Variants in EFCAB6 observed in about 807,000 individuals in gnomAD.
The protein encoded by EFCAB6 is EF-hand calcium binding domain 6.
A neutral mutation model predicts 169.8 loss-of-function variants in EFCAB6; 156 were observed. That is an observed-to-expected ratio of 0.92 (90% CI 0.81 to 1.05). EFCAB6 has a LOEUF of 1.05. Ranked by LOEUF, EFCAB6 falls within the 50% of genes least tolerant of loss-of-function variation. The pLI is 0.00. For synonymous variants in EFCAB6, 698 were observed against 676.4 expected (o/e 1.03, Z -0.50); for missense variants, 1,800 against 1,829.1 (o/e 0.98, Z 0.29).
intron 25 of EFCAB6, among the ~76,000 whole-genome samples, chr22:43,580,025 A>G (rs1436238109): frequency 2.0e-5 from 3 of 152,138 alleles, no homozygotes; most frequent in East Asian, 3.9e-4. Context: ...TAGAATGTCA[A>G]CCTACTCAGG....
At chr22:43,739,858 C>T (rs907738730) in intron 6 of EFCAB6, among the ~76,000 whole-genome samples, 2 of 152,000 alleles carry the variant, frequency 1.3e-5, no homozygotes, top group Admixed American at 1.3e-4. Flanking sequence ...CTTGACTCCA[C>T]GAAGCAGCCA....
intron 27 of EFCAB6, among the ~76,000 whole-genome samples, chr22:43,550,671 C>CA (rs955666013): frequency 0.043 from 3,170 of 73,690 alleles, 101 homozygotes; most frequent in Middle Eastern, 0.14. Flanking sequence ...GACTCTGTCT[C>CA]AAAAAAAAAA....
At chr22:43,636,276 C>G (rs1021129150) in intron 17 of EFCAB6, among the ~76,000 whole-genome samples, 9 of 152,150 alleles carry the variant, frequency 5.9e-5, no homozygotes, top group Non-Finnish European at 1.2e-4. Context: ...AGAGTAAGTT[C>G]CAGGTGGTGG....
intron 26 of EFCAB6, among the ~76,000 whole-genome samples, chr22:43,565,132 T>C (rs1043025628): frequency 1.3e-5 from 2 of 152,210 alleles, no homozygotes; most frequent in African/African-American, 4.8e-5. Context: ...TACAATGTGA[T>C]GGAAGGATGA....
intron 4 of EFCAB6, among the ~76,000 whole-genome samples, chr22:43,771,336 A>G (rs1029032693): frequency 2.9e-4 from 44 of 152,180 alleles, no homozygotes; most frequent in African/African-American, 1.1e-3. Context: ...AGGCTGAGGC[A>G]CAAGAATCAC....
chr22:43,784,304 G>A (rs915723240), intron 2 of EFCAB6, among the ~76,000 whole-genome samples: 2 of 151,760 alleles, frequency 1.3e-5, no homozygotes, highest in Admixed American at 6.6e-5. Flanking sequence ...AACAAAAATT[G>A]AGAGAATGTG....
Position 43,557,119 on chromosome 22 carries a change from A to G in EFCAB6, c.3421-2023T>C, listed in dbSNP as rs375738442. Among the ~76,000 whole-genome samples, 257 of 152,292 alleles carry G rather than the reference A, an allele frequency of 1.7e-3. 1 individual carries two copies. The Middle Eastern group carries it at 0.02, about 12-fold the overall frequency. On this transcript the variant is annotated intron_variant, in intron 26 of 31. Transcript: ENST00000262726. ...ACAGGTGGATGGAGCCCAGCATGGG[A>G]AGATGGGAGTCCTGGGTCTGAGTCT...
At chr22:43,705,061 A>G (rs187626435) in intron 10 of EFCAB6, among the ~76,000 whole-genome samples, 1 of 152,318 alleles carries the variant, frequency 6.6e-6, no homozygotes, top group East Asian at 1.9e-4. Context: ...AATGGAAACC[A>G]AATGAGAAAG....
intron 26 of EFCAB6, among the ~76,000 whole-genome samples, chr22:43,566,678 C>T (rs902711323): frequency 6.6e-6 from 1 of 152,178 alleles, no homozygotes; most frequent in African/African-American, 2.4e-5. Context: ...ACCACATGTG[C>T]AAGAACACAG....
intron 2 of EFCAB6, among the ~76,000 whole-genome samples, chr22:43,796,158 A>G (rs1331545094): frequency 6.6e-6 from 1 of 151,988 alleles, no homozygotes; most frequent in African/African-American, 2.4e-5. Context: ...CGCCATCCAC[A>G]ATTCCTCACT....
chr22:43,558,811 T>C (rs1015928164), intron 26 of EFCAB6, among the ~76,000 whole-genome samples: 3 of 152,258 alleles, frequency 2.0e-5, no homozygotes, highest in African/African-American at 4.8e-5. Flanking sequence ...GACTACAGTA[T>C]AGTGTAAACA....
intron 10 of EFCAB6, among the ~76,000 whole-genome samples, chr22:43,700,082 T>C (rs1358835312): frequency 6.6e-6 from 1 of 152,226 alleles, no homozygotes; most frequent in Non-Finnish European, 1.5e-5. Context: ...CTAGGCAACA[T>C]TGAAACGCAC....
intron 2 of EFCAB6, among the ~76,000 whole-genome samples, chr22:43,803,994 G>A (rs142958399): frequency 2.6e-5 from 4 of 152,122 alleles, no homozygotes; most frequent in African/African-American, 9.6e-5. Flanking sequence ...TTATAGACAC[G>A]CACCACTGTA....
intron 8 of EFCAB6, among the ~76,000 whole-genome samples, chr22:43,718,252 C>A (rs1437850641): frequency 6.6e-6 from 1 of 152,182 alleles, no homozygotes; most frequent in Admixed American, 6.5e-5. Flanking sequence ...TGAAATAAAT[C>A]TAAAATATAG....
At chr22:43,730,806 G>C (rs1449355792) in intron 8 of EFCAB6, among the ~76,000 whole-genome samples, 2 of 152,160 alleles carry the variant, frequency 1.3e-5, no homozygotes, top group African/African-American at 2.4e-5. Context: ...GGCACAGGAG[G>C]CTTCGAAAAC....
intron 2 of EFCAB6, among the ~76,000 whole-genome samples, chr22:43,784,670 CAT>C (rs201662478): frequency 0.059 from 3,286 of 55,432 alleles, 418 homozygotes; most frequent in East Asian, 0.27. Flanking sequence ...TATACATATA[CAT>C]ATATACACAC....
rs183601107 is a variant in EFCAB6 at position 43,795,983 on chromosome 22, C to A, written c.-8+13012G>T. 3.4e-4 allele frequency among the ~76,000 whole-genome samples: 51 copies of A among 150,122 alleles called. No homozygotes were observed. The East Asian group carries it at 8.3e-3, about 24-fold the overall frequency. On this transcript the variant is annotated intron_variant, in intron 2 of 31. Coordinates refer to ENST00000262726, the MANE Select transcript of EFCAB6 (RefSeq NM_022785.4). The surrounding 1 kb of genome is among the most constrained non-coding windows in gnomAD (Gnocchi z 4.2). ...CCCCCACAGAAACACACACACCACA[C>A]ACAACTCACCCCCCACAGAAACACA...
At chr22:43,584,651 A>T (rs2050941641) in intron 24 of EFCAB6, among the ~76,000 whole-genome samples, 1 of 152,154 alleles carries the variant, frequency 6.6e-6, no homozygotes, top group East Asian at 1.9e-4. Flanking sequence ...CAATCAGCCA[A>T]CTCCAGCCCC....
At chr22:43,781,035 GCGGGCC>G (rs2061807059) in intron 3 of EFCAB6, among the ~76,000 whole-genome samples, 1 of 152,130 alleles carries the variant, frequency 6.6e-6, no homozygotes, top group African/African-American at 2.4e-5. Context: ...CTTGTCTAGG[GCGGGCC>G]TTCTCTCAGG....
Sources: gnomAD v4.1 joint callset for allele counts (sites outside exome capture counted in the v4.1 genomes callset) on GRCh38, gnomAD v4.1.1 for gene constraint, Gnocchi (gnomAD v3.1) non-coding constraint, MANE v1.5 for transcripts, NCBI Gene and HGNC (gene_info 2026-07-23, HGNC 2026-07-21) for gene names.